Variants in PLPPR1 observed in about 807,000 individuals in gnomAD.
PLPPR1 encodes the protein phospholipid phosphatase related 1, also known as phospholipid phosphatase-related protein type 1.
A neutral mutation model predicts 33.1 loss-of-function variants in PLPPR1; 10 were observed. That is an observed-to-expected ratio of 0.30 (90% CI 0.19 to 0.51). The LOEUF is 0.51. Among genes scored for constraint, PLPPR1 ranks in the 20% least tolerant of loss-of-function variants. The probability of loss-of-function intolerance (pLI) is 0.97; values close to 1 mark genes in which losing one functional copy is unlikely to be tolerated. For synonymous variants in PLPPR1, 151 were observed against 151.0 expected, an observed-to-expected ratio of 1.00 and a Z score of 0.00; for missense variants, 304 against 408.1, an observed-to-expected ratio of 0.74 and a Z score of 2.20.
intron 1 of PLPPR1, among the ~76,000 whole-genome samples, chr9:101,165,780 G>A (rs536002015): frequency 9.9e-5 from 15 of 152,104 alleles, no homozygotes; most frequent in African/African-American, 2.7e-4. Flanking sequence ...TTAGTGTGAG[G>A]GATTTAAATA....
intron 2 of PLPPR1, among the ~76,000 whole-genome samples, chr9:101,244,765 A>T (rs544533486): frequency 6.6e-6 from 1 of 151,436 alleles, no homozygotes; most frequent in Admixed American, 6.6e-5. Flanking sequence ...TCATTAAAAG[A>T]TGCCATAAAA....
At chr9:101,282,880 A>G (rs1459518458) in intron 3 of PLPPR1, among the ~76,000 whole-genome samples, 1 of 152,232 alleles carries the variant, frequency 6.6e-6, no homozygotes, top group Non-Finnish European at 1.5e-5. Flanking sequence ...GATGAAAGAA[A>G]TTGGAGTTGC....
intron 4 of PLPPR1, among the ~76,000 whole-genome samples, chr9:101,303,752 A>G (rs1828795701): frequency 1.3e-5 from 2 of 152,152 alleles, no homozygotes; most frequent in African/African-American, 2.4e-5. Flanking sequence ...AATTGTTTTT[A>G]TGTCTTTTTC....
At chr9:101,199,550 C>G (rs1826458147) in intron 2 of PLPPR1, among the ~76,000 whole-genome samples, 1 of 152,176 alleles carries the variant, frequency 6.6e-6, no homozygotes. Flanking sequence ...GATGCATGAT[C>G]TGTTGGATAT....
At chr9:101,126,239 A>T (rs1375998659) in intron 1 of PLPPR1, among the ~76,000 whole-genome samples, 1 of 152,212 alleles carries the variant, frequency 6.6e-6, no homozygotes, top group African/African-American at 2.4e-5. Context: ...CTCCTGGGGA[A>T]GCAGACCATG....
chr9:101,136,959 T>A (rs1831385193), intron 1 of PLPPR1, among the ~76,000 whole-genome samples: 1 of 152,216 alleles, frequency 6.6e-6, no homozygotes, highest in South Asian at 2.1e-4. Flanking sequence ...TAAAATATAA[T>A]TTTACATTTT....
intron 1 of PLPPR1, among the ~76,000 whole-genome samples, chr9:101,067,759 C>T (rs560419119): frequency 3.9e-5 from 6 of 152,066 alleles, no homozygotes; most frequent in East Asian, 3.9e-4. Context: ...CAGGGTAGAC[C>T]AAGCATTGTT....
chr9:101,082,410 C>T (rs918204437), intron 1 of PLPPR1, among the ~76,000 whole-genome samples: 7 of 152,084 alleles, frequency 4.6e-5, no homozygotes, highest in Non-Finnish European at 1.0e-4. Context: ...CCTCCTCCCC[C>T]ACCAAGGAGG....
At chr9:101,309,107 A>G in intron 4 of PLPPR1, 104 bp from the exon 5 acceptor site, 2 of 1,195,702 alleles carry the variant, frequency 1.7e-6, no homozygotes, top group Middle Eastern at 2.1e-4. Flanking sequence ...ACTTAGAATC[A>G]TTTTGATAGG....
chr9:101,108,473 G>T (rs537418286), intron 1 of PLPPR1, among the ~76,000 whole-genome samples: 1 of 152,366 alleles, frequency 6.6e-6, no homozygotes, highest in Non-Finnish European at 1.5e-5. Context: ...TTTTGGATAA[G>T]TAGTATGATA....
At chr9:101,131,183 A>G (rs1831309483) in intron 1 of PLPPR1, among the ~76,000 whole-genome samples, 1 of 152,156 alleles carries the variant, frequency 6.6e-6, no homozygotes, top group African/African-American at 2.4e-5. Flanking sequence ...GCCTATTGTA[A>G]TGCCCTGGTA....
At chr9:101,222,150 A>T (rs1826956127) in intron 2 of PLPPR1, among the ~76,000 whole-genome samples, 1 of 152,198 alleles carries the variant, frequency 6.6e-6, no homozygotes. Flanking sequence ...CAACTTGGGA[A>T]TTGAAGTAGC....
At chr9:101,128,465 C>T (rs1351502702) in intron 1 of PLPPR1, among the ~76,000 whole-genome samples, 2 of 152,172 alleles carry the variant, frequency 1.3e-5, no homozygotes, top group Non-Finnish European at 2.9e-5. Flanking sequence ...CTATGGCAGG[C>T]AGTTTACTGA....
At chr9:101,251,216 T>G (rs942673929) in intron 2 of PLPPR1, among the ~76,000 whole-genome samples, 3 of 152,118 alleles carry the variant, frequency 2.0e-5, no homozygotes, top group African/African-American at 7.2e-5. Context: ...TTTTGTGCAC[T>G]GTTGTTTCTC....
chr9:101,082,934 T>C (rs982154083), intron 1 of PLPPR1, among the ~76,000 whole-genome samples: 3 of 152,140 alleles, frequency 2.0e-5, no homozygotes, highest in African/African-American at 4.8e-5. Context: ...ACAACTACTG[T>C]CATCACCCTG....
intron 1 of PLPPR1, among the ~76,000 whole-genome samples, chr9:101,102,908 A>T: frequency 1.7e-5 from 1 of 59,962 alleles, no homozygotes; most frequent in Admixed American, 2.0e-4. Flanking sequence ...GATGATGAGC[A>T]TTTTTTCATG....
At chr9:101,073,534 A>C (rs1830504547) in intron 1 of PLPPR1, among the ~76,000 whole-genome samples, 1 of 151,702 alleles carries the variant, frequency 6.6e-6, no homozygotes, top group Admixed American at 6.6e-5. Context: ...CCCTCAGTTC[A>C]TTAGCTTGAA....
At chr9:101,137,955 T>A (rs1831398390) in intron 1 of PLPPR1, among the ~76,000 whole-genome samples, 3 of 152,216 alleles carry the variant, frequency 2.0e-5, no homozygotes. Context: ...ATCCAGATCC[T>A]CTGACTAAAA....
chr9:101,285,459 T>G (rs1475496504), intron 3 of PLPPR1, among the ~76,000 whole-genome samples: 1 of 152,136 alleles, frequency 6.6e-6, no homozygotes, highest in Non-Finnish European at 1.5e-5. Context: ...CAAATAAGAA[T>G]TTAGAATGTA....
Sources: gnomAD v4.1 joint callset for allele counts (sites outside exome capture counted in the v4.1 genomes callset) on GRCh38, gnomAD v4.1.1 for gene constraint, MANE v1.5 for transcripts, NCBI Gene and HGNC (gene_info 2026-07-23, HGNC 2026-07-21) for gene names.